The following PCCA variants were observed in gnomAD, a reference collection of about 807,000 sequenced individuals.
The protein encoded by PCCA is propionyl-CoA carboxylase alpha chain, mitochondrial.
PCCA carries 74 observed loss-of-function variants against 101.3 expected under a neutral mutation model. The observed-to-expected ratio is 0.73, with a 90% CI of 0.61 to 0.89. The LOEUF is 0.89. Among genes scored for constraint, PCCA ranks in the 40% least tolerant of loss-of-function variants. PCCA has a pLI of 0.00. For missense variants in PCCA, 891 were observed against 907.0 expected (o/e 0.98, Z 0.23); for synonymous variants, 294 against 313.6 (o/e 0.94, Z 0.66).
chr13:100,109,046 G>C (rs1169060636), intron 2 of PCCA, among the ~76,000 whole-genome samples: 1 of 152,094 alleles, frequency 6.6e-6, no homozygotes, highest in Non-Finnish European at 1.5e-5. Context: ...TTTTGTTATA[G>C]CTTTTCCCCA....
chr13:100,431,737 G>A (rs1479605437), intron 20 of PCCA, among the ~76,000 whole-genome samples: 1 of 151,948 alleles, frequency 6.6e-6, no homozygotes, highest in Non-Finnish European at 1.5e-5. Flanking sequence ...GTGGTGGCGG[G>A]CGCCTGTAGT....
At chr13:100,201,960 C>G (rs1204931672) in intron 6 of PCCA, among the ~76,000 whole-genome samples, 1 of 148,868 alleles carries the variant, frequency 6.7e-6, no homozygotes, top group Non-Finnish European at 1.5e-5. Flanking sequence ...TATTGGACTT[C>G]TCAGAGTTTA....
chr13:100,124,598 G>A (rs1488312983), intron 4 of PCCA, among the ~76,000 whole-genome samples: 1 of 152,086 alleles, frequency 6.6e-6, no homozygotes, highest in East Asian at 1.9e-4. Context: ...TGCTGTCTGG[G>A]GAGGGACCGA....
At chr13:100,221,423 A>G (rs1270070294) in intron 7 of PCCA, among the ~76,000 whole-genome samples, 1 of 152,166 alleles carries the variant, frequency 6.6e-6, no homozygotes, top group African/African-American at 2.4e-5. Flanking sequence ...TCTGTGGGTA[A>G]TACACTTGGT....
At chr13:100,504,380 A>G (rs1226790152) in intron 21 of PCCA, among the ~76,000 whole-genome samples, 1 of 152,210 alleles carries the variant, frequency 6.6e-6, no homozygotes, top group Non-Finnish European at 1.5e-5. Context: ...TGATCAGAGG[A>G]CACTTCCAGT....
chr13:100,298,664 CTCCCTCCCTCCTTCCTTCCTTCCTTCCT>C (rs1566891060), intron 12 of PCCA, among the ~76,000 whole-genome samples: 570 of 10,788 alleles, frequency 0.053, 82 homozygotes, highest in Non-Finnish European at 0.064. Flanking sequence ...CCCTCCCTCC[CTCCCTCCCTCCTTCCTTCCTTCCTTCCT>C]TCCTTCCTTC....
At chr13:100,443,714 C>T (rs2080552389) in intron 20 of PCCA, among the ~76,000 whole-genome samples, 1 of 151,746 alleles carries the variant, frequency 6.6e-6, no homozygotes, top group Admixed American at 6.6e-5. Flanking sequence ...TTGCAGGTAG[C>T]CAAATTACTT....
chr13:100,383,231 A>G (rs1198659100), intron 19 of PCCA, among the ~76,000 whole-genome samples: 2 of 151,926 alleles, frequency 1.3e-5, no homozygotes, highest in African/African-American at 2.4e-5. Context: ...GGTTCAAGCC[A>G]TCTGCCCACC....
intron 22 of PCCA, among the ~76,000 whole-genome samples, chr13:100,526,909 C>G (rs1014102592): frequency 2.6e-5 from 4 of 152,260 alleles, no homozygotes; most frequent in Admixed American, 6.5e-5. Context: ...CGCTCCCAGT[C>G]TCCTAGCATG....
At chr13:100,441,036 T>C (rs1267645597) in intron 20 of PCCA, among the ~76,000 whole-genome samples, 2 of 152,226 alleles carry the variant, frequency 1.3e-5, no homozygotes, top group East Asian at 3.8e-4. Flanking sequence ...CCTGCTTTTG[T>C]AATGTAGTCC....
intron 18 of PCCA, among the ~76,000 whole-genome samples, chr13:100,354,870 A>G (rs970284842): frequency 1.8e-4 from 28 of 152,228 alleles, no homozygotes; most frequent in African/African-American, 5.8e-4. Context: ...TCTTAGAAAG[A>G]ACTCAGGACC....
Position 100,467,020 on chromosome 13 carries a change from C to T in PCCA, c.1899+17715C>T, listed in dbSNP as rs182175714. On this transcript the variant is annotated intron_variant, in intron 21 of 23. Transcript: ENST00000376285. Reference sequence around the variant, plus strand: ...CTGAGTGCCTGTAGGTACCTAGCACCGTATGTTTGTCATTCTCATTGAAGT... The same window carrying T: ...CTGAGTGCCTGTAGGTACCTAGCACTGTATGTTTGTCATTCTCATTGAAGT... 2.3e-4 allele frequency among the ~76,000 whole-genome samples: 35 copies of T among 152,202 alleles called. No individual in the cohort carries two copies. In the East Asian group the frequency reaches 4.4e-3, roughly 19 times the overall value.
At chr13:100,328,851 G>A (rs1319607294) in intron 16 of PCCA, among the ~76,000 whole-genome samples, 2 of 151,448 alleles carry the variant, frequency 1.3e-5, no homozygotes, top group Admixed American at 6.6e-5. Context: ...CTGCCACCAC[G>A]CCCAGCTAAT....
At chr13:100,303,253 C>T (rs992980364) in intron 14 of PCCA, among the ~76,000 whole-genome samples, 9 of 152,082 alleles carry the variant, frequency 5.9e-5, no homozygotes, top group Non-Finnish European at 8.8e-5. Context: ...CCAATTCTTT[C>T]GAAAATTATA....
At chr13:100,170,434 T>C (rs2055519008) in intron 6 of PCCA, among the ~76,000 whole-genome samples, 1 of 152,208 alleles carries the variant, frequency 6.6e-6, no homozygotes, top group South Asian at 2.1e-4. Context: ...GCAGAAATAA[T>C]GAAATGATCA....
intron 8 of PCCA, among the ~76,000 whole-genome samples, chr13:100,256,172 A>G (rs1369499881): frequency 6.6e-6 from 1 of 151,902 alleles, no homozygotes. Flanking sequence ...ACACCCAGCT[A>G]AGTTTTGTAT....
chr13:100,106,393 A>G (rs2047795512), intron 2 of PCCA, among the ~76,000 whole-genome samples: 1 of 152,112 alleles, frequency 6.6e-6, no homozygotes, highest in South Asian at 2.1e-4. Context: ...AATGTATGTA[A>G]CTGTCTGGGT....
chr13:100,236,832 A>C (rs1010294815), intron 8 of PCCA: 1 of 152,198 alleles, frequency 6.6e-6, no homozygotes, highest in African/African-American at 2.4e-5. Flanking sequence ...TAATTGAGAA[A>C]ATGTGTAAGG....
intron 7 of PCCA, among the ~76,000 whole-genome samples, chr13:100,216,381 T>C (rs546009417): frequency 6.6e-6 from 1 of 152,300 alleles, no homozygotes; most frequent in African/African-American, 2.4e-5. Context: ...GATAATGGTG[T>C]AGTAGGGAGC....
Sources: gnomAD v4.1 joint callset for allele counts (sites outside exome capture counted in the v4.1 genomes callset) on GRCh38, gnomAD v4.1.1 for gene constraint, MANE v1.5 for transcripts, NCBI Gene and HGNC (gene_info 2026-07-23, HGNC 2026-07-21) for gene names.